ARHGEF4: variants seen among roughly 807,000 people sequenced by gnomAD.
ARHGEF4 encodes APC-stimulated guanine nucleotide exchange factor 1.
ARHGEF4 carries 119 observed loss-of-function variants against 162.0 expected under a neutral mutation model. The ratio of observed to expected loss-of-function variants is 0.73; its 90% CI spans 0.63 to 0.86. The LOEUF (loss-of-function observed/expected upper bound fraction) is 0.86. Ranked by LOEUF, ARHGEF4 falls within the 40% of genes least tolerant of loss-of-function variation. The pLI, the probability that ARHGEF4 is intolerant of heterozygous loss-of-function variation, is 0.00. For synonymous variants in ARHGEF4, 1,014 were observed against 979.9 expected, an observed-to-expected ratio of 1.03 and a Z score of -0.65; for missense variants, 2,488 against 2,456.0, an observed-to-expected ratio of 1.01 and a Z score of -0.28.
intron 4 of ARHGEF4, chr2:131,011,601 C>G (rs1448206266): frequency 6.6e-7 from 1 of 1,524,458 alleles, no homozygotes; most frequent in East Asian, 2.5e-5. Flanking sequence ...ATTAATCCCC[C>G]CATTGGTCGT....
intron 1 of ARHGEF4, among the ~76,000 whole-genome samples, chr2:130,913,472 C>T (rs1681311573): frequency 1.3e-5 from 2 of 152,112 alleles, no homozygotes; most frequent in African/African-American, 2.4e-5. Flanking sequence ...TTTGCAACTT[C>T]GATCATTCTC....
At chr2:130,940,283 A>ATAT (rs1444880541) in intron 3 of ARHGEF4, among the ~76,000 whole-genome samples, 2 of 152,084 alleles carry the variant, frequency 1.3e-5, no homozygotes, top group East Asian at 3.9e-4. Flanking sequence ...ACATAAGGAA[A>ATAT]TATTTTGCAT....
intron 4 of ARHGEF4, chr2:130,964,181 G>A: frequency 1.0e-6 from 1 of 985,290 alleles, no homozygotes. Flanking sequence ...GGCCGCGGAG[G>A]CAACGGGGGC....
At chr2:131,015,956 T>C (rs17715564) in intron 4 of ARHGEF4, among the ~76,000 whole-genome samples, 6,514 of 152,294 alleles carry the variant, frequency 0.043, 205 homozygotes, top group South Asian at 0.14. Context: ...GCAGAGCCAC[T>C]GGGGAGCCTG....
intron 1 of ARHGEF4, among the ~76,000 whole-genome samples, chr2:130,879,955 T>A (rs959347411): frequency 2.6e-5 from 4 of 152,146 alleles, no homozygotes; most frequent in African/African-American, 9.7e-5. Flanking sequence ...TGAATAATAT[T>A]CCATGTGTGT....
Position 130,960,269 on chromosome 2 carries a change from G to A in ARHGEF4, c.3985+13634G>A, listed in dbSNP as rs112053172. Among the ~76,000 whole-genome samples the A allele has an allele frequency of 2.2e-3, 339 of 152,256 alleles. 2 individuals are homozygous for A. The highest frequency in any genetic ancestry group is 7.7e-3 in the African/African-American group (320 of 41,568). On this transcript the variant is annotated intron_variant, in intron 4 of 13. Transcript: ENST00000409359. ...TTCCAGTCCTGCAAGCTGTATTCAT[G>A]TTAAGTCCCTTATACAAGTGTACCA...
intron 2 of ARHGEF4, among the ~76,000 whole-genome samples, chr2:130,930,076 G>A (rs919678854): frequency 1.3e-5 from 2 of 152,038 alleles, no homozygotes; most frequent in African/African-American, 4.8e-5. Context: ...TGTATTTTTA[G>A]TAGAGACGAG....
In ARHGEF4 at chr2:131,018,002, G is replaced by A. The variant is rs1292305878; in HGVS notation, c.3986-9943G>A. On this transcript the variant is annotated intron_variant, in intron 4 of 13. Transcript: ENST00000409359. ...TAGCTAAAACAGGAGGCCAGGGGAG[G>A]AAACAAAAAAGAATAGCTAAAACAT... 4.6e-5 allele frequency among the ~76,000 whole-genome samples: 7 copies of A among 151,834 alleles called. No individual in the cohort carries two copies. In the East Asian group the frequency reaches 1.2e-3, roughly 25 times the overall value.
chr2:131,004,209 G>A (rs1226747706), intron 4 of ARHGEF4, among the ~76,000 whole-genome samples: 2 of 152,052 alleles, frequency 1.3e-5, no homozygotes, highest in South Asian at 2.1e-4. Flanking sequence ...TCTGTCGCTC[G>A]GGCTGGAGTG....
At chr2:131,011,670 G>A in intron 4 of ARHGEF4, 1 of 1,535,290 alleles carries the variant, frequency 6.5e-7, no homozygotes, top group Non-Finnish European at 8.7e-7. Context: ...CATCGGAGCT[G>A]ATGGGGGTGG....
At chr2:130,853,270 A>G (rs1681539665) in intron 1 of ARHGEF4, among the ~76,000 whole-genome samples, 1 of 152,172 alleles carries the variant, frequency 6.6e-6, no homozygotes, top group African/African-American at 2.4e-5. Context: ...AATTCAGAGT[A>G]GCTGGTGGAG....
At chr2:130,966,507 C>G (rs918029711) in intron 4 of ARHGEF4, among the ~76,000 whole-genome samples, 1 of 152,182 alleles carries the variant, frequency 6.6e-6, no homozygotes, top group Admixed American at 6.5e-5. Flanking sequence ...CACAATATTC[C>G]CTGCTAATCT....
chr2:131,045,692 G>C, intron 13 of ARHGEF4: 2 of 1,461,850 alleles, frequency 1.4e-6, no homozygotes, highest in East Asian at 4.9e-5. Flanking sequence ...TGGTGACAAT[G>C]CTTGTTTCCC....
intron 4 of ARHGEF4, among the ~76,000 whole-genome samples, chr2:130,954,842 T>C (rs1190140401): frequency 6.6e-6 from 1 of 152,166 alleles, no homozygotes; most frequent in Admixed American, 6.5e-5. Context: ...ATTTGGAAAG[T>C]TTTCAGCCAT....
chr2:131,023,571 T>G (rs1689284707), intron 4 of ARHGEF4, among the ~76,000 whole-genome samples: 1 of 152,248 alleles, frequency 6.6e-6, no homozygotes, highest in Non-Finnish European at 1.5e-5. Context: ...ACTATACACC[T>G]ATCAGAATAC....
Position 130,991,522 on chromosome 2 carries a change from C to A in ARHGEF4, c.3986-36423C>A, listed in dbSNP as rs571970495. 3.0e-4 allele frequency among the ~76,000 whole-genome samples: 45 copies of A among 152,252 alleles called. 1 individual carries two copies. In the East Asian group the frequency reaches 4.8e-3, roughly 16 times the overall value. On this transcript the variant is annotated intron_variant, in intron 4 of 13. Coordinates refer to ENST00000409359, the MANE Select transcript of ARHGEF4 (RefSeq NM_001367493.1). ...TGGAGTTCGGTGGGCGTGGGCTTGG[C>A]GGGCCCGGCACTCGGAGCAGCCGGC... is the stretch of plus-strand genomic sequence containing the variant.
chr2:130,907,243 C>T lies in ARHGEF4; in HGVS notation c.40-6743C>T, dbSNP rs1444414301. Among the ~76,000 whole-genome samples, 13 of 22,490 alleles carry T rather than the reference C, an allele frequency of 5.8e-4. No homozygotes were observed. The East Asian group carries it at 0.04, about 69-fold the overall frequency. The allele number at this position is 22,490 out of a possible 152,430, so 14.8% of individuals were successfully genotyped here. On this transcript the variant is annotated intron_variant, in intron 1 of 13. Coordinates refer to ENST00000409359, the MANE Select transcript of ARHGEF4 (RefSeq NM_001367493.1). ...TTTTTTTTTTTTTGAGACAGAGTCTCGCTCTGGAGACTGGAGGCTGGAGTG... is the reference window on the plus strand; with the variant it reads ...TTTTTTTTTTTTTGAGACAGAGTCTTGCTCTGGAGACTGGAGGCTGGAGTG...
At chr2:131,000,816 G>T (rs1260263520) in intron 4 of ARHGEF4, among the ~76,000 whole-genome samples, 1 of 152,046 alleles carries the variant, frequency 6.6e-6, no homozygotes, top group Non-Finnish European at 1.5e-5. Flanking sequence ...CCAAAAAAAA[G>T]CCTATTATAA....
intron 1 of ARHGEF4, among the ~76,000 whole-genome samples, chr2:130,879,065 AG>A (rs1177874965): frequency 6.6e-6 from 1 of 152,220 alleles, no homozygotes; most frequent in East Asian, 1.9e-4. Context: ...GGAAGAGCAA[AG>A]AAGCAGGCAT....
Sources: allele counts gnomAD v4.1 joint callset (sites outside exome capture counted in the v4.1 genomes callset), GRCh38; gene constraint gnomAD v4.1.1; transcripts MANE v1.5; gene names NCBI Gene and HGNC (gene_info 2026-07-23, HGNC 2026-07-21).